PPP1R7: variants seen among roughly 807,000 people sequenced by gnomAD.
The protein encoded by PPP1R7 is protein phosphatase 1 regulatory subunit 7, also known as protein phosphatase 1 regulatory subunit 22.
PPP1R7 carries 18 observed loss-of-function variants against 45.2 expected under a neutral mutation model. The observed-to-expected ratio is 0.40, with a 90% CI of 0.28 to 0.59. The LOEUF (loss-of-function observed/expected upper bound fraction) is 0.59, where lower values mean the gene tolerates loss of function less well. PPP1R7 is among the 20% of genes least tolerant of loss of function. The probability of loss-of-function intolerance (pLI) is 0.46; values close to 1 mark genes in which losing one functional copy is unlikely to be tolerated. For synonymous variants in PPP1R7, 181 were observed against 183.4 expected, an observed-to-expected ratio of 0.99 and a Z score of 0.11; for missense variants, 314 against 455.8, an observed-to-expected ratio of 0.69 and a Z score of 2.83.
rs1215343314 is a variant in PPP1R7, at chr2:241,158,019, G to T, written c.237+157G>T. On this transcript the variant is annotated intron_variant, in intron 3 of 9. Coordinates refer to ENST00000234038, the MANE Select transcript of PPP1R7 (RefSeq NM_002712.3). Reference sequence around the variant, plus strand: ...GTTCATGTTTTTCTTACCAGTGATTGTTATCCCCATGTCTATTCGACCCTT... The same window carrying T: ...GTTCATGTTTTTCTTACCAGTGATTTTTATCCCCATGTCTATTCGACCCTT... Among the ~76,000 whole-genome samples the T allele has an allele frequency of 3.9e-5, 6 of 152,160 alleles. No homozygotes were observed. In the East Asian group the frequency reaches 7.7e-4, roughly 20 times the overall value.
intron 9 of PPP1R7, among the ~76,000 whole-genome samples, chr2:241,175,746 C>A (rs1559427795): frequency 2.6e-5 from 4 of 152,122 alleles, no homozygotes. Flanking sequence ...AGGTGTGCAC[C>A]AATGACCTGG....
upstream of PPP1R7, chr2:241,150,433 G>T (rs2067232417): frequency 6.8e-7 from 1 of 1,470,788 alleles, no homozygotes; most frequent in African/African-American, 1.5e-5. Context: ...GCTCTGAGGC[G>T]GGAGCCCTGA....
upstream of PPP1R7, chr2:241,149,799 G>A (rs1014219267): frequency 4.6e-6 from 7 of 1,534,040 alleles, no homozygotes; most frequent in South Asian, 7.1e-5. Flanking sequence ...GCTCCGCAGG[G>A]TAGACGAAGG....
At chr2:241,182,137 T>A (rs1389329686) in intron 9 of PPP1R7, among the ~76,000 whole-genome samples, 2 of 152,230 alleles carry the variant, frequency 1.3e-5, no homozygotes, top group African/African-American at 2.4e-5. Context: ...TTTGTGTCCC[T>A]GCACTTGGTA....
chr2:241,160,248 C>T (rs867621736), intron 5 of PPP1R7, 84 bp from the exon 6 acceptor site: 91 of 1,161,268 alleles, frequency 7.8e-5, no homozygotes, highest in African/African-American at 3.2e-4. Flanking sequence ...CTGATGGGGA[C>T]GCCACCTTTA....
intron 9 of PPP1R7, among the ~76,000 whole-genome samples, chr2:241,171,061 A>G (rs1329204606): frequency 2.0e-5 from 3 of 152,206 alleles, no homozygotes; most frequent in African/African-American, 7.2e-5. Context: ...TGATAGGGAA[A>G]GGGCACCTGG....
chr2:241,153,442 G>A (rs750100101), intron 1 of PPP1R7, 34 bp from the exon 2 acceptor site: 26 of 1,612,932 alleles, frequency 1.6e-5, no homozygotes, highest in Non-Finnish European at 2.2e-5. Flanking sequence ...CCCATAAAGT[G>A]GATGTGAATT....
At chr2:241,166,707 C>A (rs2067719956) in intron 8 of PPP1R7, among the ~76,000 whole-genome samples, 1 of 152,234 alleles carries the variant, frequency 6.6e-6, no homozygotes, top group South Asian at 2.1e-4. Context: ...TCAGCACAGG[C>A]TTCCCTAGGC....
intron 2 of PPP1R7, among the ~76,000 whole-genome samples, chr2:241,154,781 C>T (rs2067414098): frequency 6.6e-6 from 1 of 152,136 alleles, no homozygotes; most frequent in South Asian, 2.1e-4. Context: ...ATCAAACGGG[C>T]TGAGTCTGTC....
At chr2:241,154,163 G>A (rs1021748195) in intron 2 of PPP1R7, among the ~76,000 whole-genome samples, 2 of 115,910 alleles carry the variant, frequency 1.7e-5, no homozygotes, top group Non-Finnish European at 3.3e-5. Flanking sequence ...CTAGGTGACA[G>A]AGGGATACTC....
At chr2:241,158,745 C>T in intron 4 of PPP1R7, 196 bp downstream of exon 4, 1 of 575,094 alleles carries the variant, frequency 1.7e-6, no homozygotes. Flanking sequence ...TGAGGCACAG[C>T]CCTGGGGCTG....
At chr2:241,170,779 A>T (rs1272315780) in intron 9 of PPP1R7, among the ~76,000 whole-genome samples, 1 of 152,142 alleles carries the variant, frequency 6.6e-6, no homozygotes, top group Non-Finnish European at 1.5e-5. Context: ...CTTGCCCCTT[A>T]TTAGTGGCAC....
chr2:241,159,601 G>T (rs1457161785), intron 5 of PPP1R7, among the ~76,000 whole-genome samples: 4 of 152,224 alleles, frequency 2.6e-5, no homozygotes, highest in African/African-American at 9.6e-5. Flanking sequence ...GAAGGCTGCA[G>T]TGGGGACTTC....
At chr2:241,168,957 G>A (rs182113938) in intron 8 of PPP1R7, among the ~76,000 whole-genome samples, 23 of 152,352 alleles carry the variant, frequency 1.5e-4, no homozygotes, top group Admixed American at 8.5e-4. Context: ...GGAGCAGAGC[G>A]TGAGGGCAGA....
intron 1 of PPP1R7, among the ~76,000 whole-genome samples, chr2:241,152,418 A>C (rs1219891846): frequency 6.6e-6 from 1 of 152,228 alleles, no homozygotes; most frequent in Non-Finnish European, 1.5e-5. Context: ...AAGACAAGTC[A>C]CAGAGACGAG....
At chr2:241,175,932 C>T (rs928345845) in intron 9 of PPP1R7, among the ~76,000 whole-genome samples, 1 of 152,174 alleles carries the variant, frequency 6.6e-6, no homozygotes, top group Non-Finnish European at 1.5e-5. Context: ...TGAATGCCAC[C>T]ACGCCTGGCT....
intron 9 of PPP1R7, 137 bp from the exon 10 acceptor site, chr2:241,182,510 C>A: frequency 1.9e-6 from 2 of 1,048,058 alleles, no homozygotes; most frequent in Non-Finnish European, 2.8e-6. Flanking sequence ...CATGGAAGGT[C>A]CCATGAGGTG....
intron 9 of PPP1R7, among the ~76,000 whole-genome samples, chr2:241,179,402 G>GTA (rs1259990677): frequency 6.6e-6 from 1 of 152,190 alleles, no homozygotes; most frequent in Non-Finnish European, 1.5e-5. Context: ...CATCTGTGCA[G>GTA]TATACCTACC....
Position 241,152,379 on chromosome 2 carries a change from C to T in PPP1R7, c.53-1097C>T, listed in dbSNP as rs572486461. Reference sequence around the variant, plus strand: ...GGATTTTAGAATTAGATCAGACTCTCTGGCAGGGGAGAATAGGTTAAGCAG... The same window carrying T: ...GGATTTTAGAATTAGATCAGACTCTTTGGCAGGGGAGAATAGGTTAAGCAG... On this transcript the variant is annotated intron_variant, in intron 1 of 9. Coordinates refer to ENST00000234038, the MANE Select transcript of PPP1R7 (RefSeq NM_002712.3). Among the ~76,000 whole-genome samples, 7 of 152,298 alleles carry T rather than the reference C, an allele frequency of 4.6e-5. 1 individual carries two copies. In the South Asian group the frequency reaches 1.4e-3, roughly 32 times the overall value.
Sources: gnomAD v4.1 joint callset for allele counts (sites outside exome capture counted in the v4.1 genomes callset) on GRCh38, gnomAD v4.1.1 for gene constraint, MANE v1.5 for transcripts, NCBI Gene and HGNC (gene_info 2026-07-23, HGNC 2026-07-21) for gene names.